The following UTS2 variants were observed in gnomAD, a reference collection of about 807,000 sequenced individuals.
UTS2 encodes urotensin-2.
A neutral mutation model predicts 12.6 loss-of-function variants in UTS2; 10 were observed. That is an observed-to-expected ratio of 0.80 (90% CI 0.49 to 1.35). The LOEUF (loss-of-function observed/expected upper bound fraction) is 1.35, where lower values mean the gene tolerates loss of function less well. Ranked by LOEUF, UTS2 falls within the 40% of genes most tolerant of loss-of-function variation. The pLI, the probability that UTS2 is intolerant of heterozygous loss-of-function variation, is 0.00. For missense variants in UTS2, 142 were observed against 143.2 expected, an observed-to-expected ratio of 0.99 and a Z score of 0.04; for synonymous variants, 52 against 50.0, an observed-to-expected ratio of 1.04 and a Z score of -0.17.
the UTS2 span, among the ~76,000 whole-genome samples, chr1:7,892,435 T>TCTCTGA: frequency 6.6e-6 from 1 of 150,496 alleles, no homozygotes; most frequent in Non-Finnish European, 1.5e-5. Flanking sequence ...TTCAAGTCTC[T>TCTCTGA]CTCTGACTCT....
the UTS2 span, among the ~76,000 whole-genome samples, chr1:7,884,395 G>A: frequency 2.6e-4 from 38 of 147,636 alleles, no homozygotes; most frequent in African/African-American, 9.3e-4. Flanking sequence ...TTGACCTTCC[G>A]GATTCAAATG....
At chr1:7,894,150 T>A in the UTS2 span, among the ~76,000 whole-genome samples, 2 of 151,904 alleles carry the variant, frequency 1.3e-5, no homozygotes, top group African/African-American at 4.8e-5. Flanking sequence ...TTTTTCTTCT[T>A]CTTTTTCTTT....
At chr1:7,900,654 G>A in the UTS2 span, among the ~76,000 whole-genome samples, 41 of 151,880 alleles carry the variant, frequency 2.7e-4, no homozygotes, top group Non-Finnish European at 4.3e-4. Context: ...GGTGGCTGGC[G>A]CCTGTAATCC....
the UTS2 span, among the ~76,000 whole-genome samples, chr1:7,865,732 A>T: frequency 2.6e-5 from 4 of 152,126 alleles, no homozygotes; most frequent in African/African-American, 9.7e-5. Context: ...CAGGAGTTCC[A>T]GACCAGCCCG....
At chr1:7,884,502 T>C in the UTS2 span, among the ~76,000 whole-genome samples, 2 of 151,960 alleles carry the variant, frequency 1.3e-5, no homozygotes, top group East Asian at 3.9e-4. Flanking sequence ...AGAGACAAGG[T>C]CTCACTATGT....
At chr1:7,869,359 T>TG in the UTS2 span, among the ~76,000 whole-genome samples, 2 of 152,074 alleles carry the variant, frequency 1.3e-5, no homozygotes, top group African/African-American at 4.8e-5. Context: ...ACTGTGGAGG[T>TG]GCCCAAGAGA....
At chr1:7,860,352 C>T in the UTS2 span, among the ~76,000 whole-genome samples, 1 of 152,006 alleles carries the variant, frequency 6.6e-6, no homozygotes, top group Admixed American at 6.5e-5. Flanking sequence ...TGCCAAGGCC[C>T]TGGGGTGGGA....
At chr1:7,887,368 C>T in the UTS2 span, among the ~76,000 whole-genome samples, 9 of 152,098 alleles carry the variant, frequency 5.9e-5, no homozygotes, top group African/African-American at 2.2e-4. Flanking sequence ...TGGACTTGGG[C>T]ACATGTTTAC....
the UTS2 span, among the ~76,000 whole-genome samples, chr1:7,866,479 CT>C: frequency 6.6e-6 from 1 of 152,196 alleles, no homozygotes; most frequent in African/African-American, 2.4e-5. The surrounding 1 kb of genome is among the most constrained non-coding windows in gnomAD (Gnocchi z 4.5). Context: ...CTCTCATAAT[CT>C]AATTTCATGC....
the UTS2 span, among the ~76,000 whole-genome samples, chr1:7,880,710 G>A: frequency 0.02 from 3,103 of 152,240 alleles, 90 homozygotes; most frequent in African/African-American, 0.07. Flanking sequence ...AGATTTTACT[G>A]CTGAATTCTA....
the UTS2 span, among the ~76,000 whole-genome samples, chr1:7,874,669 C>A: frequency 6.6e-6 from 1 of 152,220 alleles, no homozygotes; most frequent in Non-Finnish European, 1.5e-5. Context: ...CACCATCCCC[C>A]CAGCAGCGGG....
At chr1:7,860,239 C>A in the UTS2 span, among the ~76,000 whole-genome samples, 229 of 152,148 alleles carry the variant, frequency 1.5e-3, 2 homozygotes, top group African/African-American at 5.3e-3. Context: ...ATGGGATGGA[C>A]GGGCTCTTTT....
At chr1:7,889,538 C>T in the UTS2 span, among the ~76,000 whole-genome samples, 1 of 152,018 alleles carries the variant, frequency 6.6e-6, no homozygotes, top group African/African-American at 2.4e-5. Context: ...GGTGCAGTGG[C>T]TCATGCCTGT....
the UTS2 span, among the ~76,000 whole-genome samples, chr1:7,867,885 T>C: frequency 6.6e-6 from 1 of 151,904 alleles, no homozygotes; most frequent in African/African-American, 2.4e-5. Context: ...CAAAAATAAA[T>C]AAATAAATAA....
the UTS2 span, among the ~76,000 whole-genome samples, chr1:7,907,887 C>T: frequency 6.6e-6 from 1 of 152,060 alleles, no homozygotes; most frequent in Middle Eastern, 3.4e-3. Context: ...GTAGGCTGGG[C>T]ACGGTGGCTA....
the UTS2 span, among the ~76,000 whole-genome samples, chr1:7,866,313 C>T: frequency 6.6e-6 from 1 of 152,142 alleles, no homozygotes; most frequent in Non-Finnish European, 1.5e-5. The surrounding 1 kb of genome is among the most constrained non-coding windows in gnomAD (Gnocchi z 4.5). Context: ...TTCAGCCTCA[C>T]CAGACAGTTT....
chr1:7,905,301 A>C, the UTS2 span, among the ~76,000 whole-genome samples: 3 of 151,420 alleles, frequency 2.0e-5, no homozygotes, highest in African/African-American at 4.9e-5. Flanking sequence ...ATATGTCACC[A>C]CGCCCGTCTA....
upstream of UTS2, chr1:7,853,221 A>C: frequency 6.3e-7 from 1 of 1,578,940 alleles, no homozygotes; most frequent in Non-Finnish European, 8.6e-7. Context: ...ATAGACAATA[A>C]ATTAACTGTC....
chr1:7,907,127 G>A, the UTS2 span, among the ~76,000 whole-genome samples: 18,285 of 152,018 alleles, frequency 0.12, 1,484 homozygotes, highest in Middle Eastern at 0.19. Context: ...GTGGTGGTGC[G>A]CGCTTGTAAT....
Sources: gnomAD v4.1 joint callset for allele counts (sites outside exome capture counted in the v4.1 genomes callset) on GRCh38, gnomAD v4.1.1 for gene constraint, Gnocchi (gnomAD v3.1) non-coding constraint, MANE v1.5 for transcripts, NCBI Gene and HGNC (gene_info 2026-07-23, HGNC 2026-07-21) for gene names.